COL14A1: variants seen among roughly 807,000 people sequenced by gnomAD.
COL14A1 encodes collagen alpha-1(XIV) chain.
In COL14A1, 136 loss-of-function variants were observed where a neutral mutation model predicts 230.3. The observed-to-expected ratio is 0.59, with a 90% CI of 0.51 to 0.68. The LOEUF is 0.68. Among genes scored for constraint, COL14A1 ranks in the 30% least tolerant of loss-of-function variants. The pLI is 0.00. For missense variants in COL14A1, 1,976 were observed against 2,215.8 expected (o/e 0.89, Z 2.17); for synonymous variants, 792 against 784.1 (o/e 1.01, Z -0.17).
Position 120,209,890 on chromosome 8 carries a change from G to A in COL14A1, c.1456G>A (p.Asp486Asn). Reference sequence around the variant, plus strand: ...TCCTCTAACAGAGGGCCTGGCTGGGGATGAAAAAGAGGTAACCACTTCCTA... The same window carrying A: ...TCCTCTAACAGAGGGCCTGGCTGGGAATGAAAAAGAGGTAACCACTTCCTA... ...YAPLTEGLAG[D>N]EKEMKIGETH... The change falls in exon 12 of 48, where the codon GAT (aspartate) becomes AAT (asparagine). Residue 486 changes from aspartate (D) to asparagine (N), a missense_variant. Coordinates refer to ENST00000297848, the MANE Select transcript of COL14A1 (RefSeq NM_021110.4). 1.2e-6 allele frequency: 2 copies of A among 1,602,734 alleles called. No homozygotes were observed. The highest frequency in any genetic ancestry group is 2.3e-5 in the South Asian group (2 of 88,596).
chr8:120,326,146 C>T (rs936457739), intron 40 of COL14A1, among the ~76,000 whole-genome samples: 5 of 152,196 alleles, frequency 3.3e-5, no homozygotes, highest in Non-Finnish European at 7.3e-5. Flanking sequence ...CTGGCTTGCC[C>T]AGTGAGAGCT....
intron 5 of COL14A1, among the ~76,000 whole-genome samples, chr8:120,176,454 A>G (rs1816286235): frequency 6.6e-6 from 1 of 152,192 alleles, no homozygotes; most frequent in Non-Finnish European, 1.5e-5. Flanking sequence ...CTCACCTCCC[A>G]TTAATACTTT....
intron 21 of COL14A1, 86 bp downstream of exon 21, chr8:120,247,821 T>G: frequency 6.8e-7 from 1 of 1,467,694 alleles, no homozygotes; most frequent in Admixed American, 2.1e-5. Flanking sequence ...TATAACACCT[T>G]ATGTTTGGTT....
chr8:120,150,501 A>G (rs1815245670), intron 2 of COL14A1, among the ~76,000 whole-genome samples: 1 of 152,154 alleles, frequency 6.6e-6, no homozygotes, highest in Admixed American at 6.5e-5. Flanking sequence ...AGATAAATCA[A>G]GTTTCTTGAT....
chr8:120,127,518 T>C (rs1202240583), intron 1 of COL14A1, among the ~76,000 whole-genome samples: 1 of 152,224 alleles, frequency 6.6e-6, no homozygotes, highest in African/African-American at 2.4e-5. Flanking sequence ...GCTGAGGATT[T>C]CAGAGAACTC....
intron 44 of COL14A1, among the ~76,000 whole-genome samples, chr8:120,344,304 G>C (rs1822420614): frequency 1.3e-5 from 2 of 152,200 alleles, no homozygotes; most frequent in African/African-American, 4.8e-5. Flanking sequence ...CTGCCACTCA[G>C]AACTGGATTT....
rs1164898389 is a variant in COL14A1, at chr8:120,227,329, T to A, written c.2114T>A (p.Val705Glu). 1.2e-6 allele frequency: 2 copies of A among 1,613,700 alleles called. No individual in the cohort carries two copies. The highest frequency in any genetic ancestry group is 1.7e-6 in the Non-Finnish European group (2 of 1,179,968). ...CTTGATGATGGAAGCGAGAGTGAGG[T>A]GGTGACTGCTGTCGGGACCACACGT... ...AVLDDGSESEVVTAVGTTLDS... is the reference protein window; with the variant it reads ...AVLDDGSESEEVTAVGTTLDS... Residue 705 changes from valine (V) to glutamate (E), a missense_variant, in exon 17 of 48, where the codon GTG becomes GAG. Transcript: ENST00000297848.
At chr8:120,306,004 T>C (rs1820848536) in intron 36 of COL14A1, among the ~76,000 whole-genome samples, 1 of 152,184 alleles carries the variant, frequency 6.6e-6, no homozygotes, top group African/African-American at 2.4e-5. Flanking sequence ...ATACTGTTTT[T>C]AACATCACAA....
chr8:120,212,631 TG>T (rs1817646798), intron 13 of COL14A1, 54 bp downstream of exon 13: 1 of 1,601,108 alleles, frequency 6.2e-7, no homozygotes, highest in East Asian at 2.2e-5. Flanking sequence ...CACATGAATG[TG>T]GGGATTCTGA....
At chr8:120,204,819 C>T (rs1308815409) in intron 9 of COL14A1, among the ~76,000 whole-genome samples, 2 of 152,172 alleles carry the variant, frequency 1.3e-5, no homozygotes, top group African/African-American at 4.8e-5. Flanking sequence ...GACACTGTCA[C>T]AGAGTGAGGG....
chr8:120,154,930 G>T (rs1003686462), intron 2 of COL14A1, among the ~76,000 whole-genome samples: 4 of 152,132 alleles, frequency 2.6e-5, no homozygotes, highest in African/African-American at 9.7e-5. Context: ...TGCCGCCCTT[G>T]CTTTGGCTCC....
At chr8:120,199,322 A>G in intron 7 of COL14A1, 80 bp from the exon 8 acceptor site, 2 of 1,309,930 alleles carry the variant, frequency 1.5e-6, no homozygotes, top group South Asian at 3.4e-5. Flanking sequence ...TAGGTTACCC[A>G]TCTTGTGGTT....
intron 18 of COL14A1, among the ~76,000 whole-genome samples, chr8:120,230,110 G>A (rs575381846): frequency 6.6e-6 from 1 of 152,106 alleles, no homozygotes; most frequent in Non-Finnish European, 1.5e-5. Context: ...TTTAACTCCT[G>A]AGCTCAAATG....
chr8:120,299,062 G>A (rs1033967920), intron 35 of COL14A1, among the ~76,000 whole-genome samples: 8 of 151,776 alleles, frequency 5.3e-5, no homozygotes, highest in South Asian at 4.2e-4. Context: ...GGAGGTAACC[G>A]CCCCTATGAT....
intron 40 of COL14A1, among the ~76,000 whole-genome samples, chr8:120,322,785 A>T (rs2130158567): frequency 6.6e-6 from 1 of 151,438 alleles, no homozygotes; most frequent in South Asian, 2.1e-4. Context: ...CATTTTCTTT[A>T]TCCAGTCTAT....
At chr8:120,168,905 G>A (rs1816006845) in intron 5 of COL14A1, among the ~76,000 whole-genome samples, 2 of 152,104 alleles carry the variant, frequency 1.3e-5, no homozygotes, top group African/African-American at 4.8e-5. Flanking sequence ...ACCCAGGCTA[G>A]AATTTAGTGT....
intron 5 of COL14A1, among the ~76,000 whole-genome samples, chr8:120,190,104 G>A (rs967815596): frequency 2.6e-5 from 4 of 151,486 alleles, no homozygotes; most frequent in African/African-American, 9.7e-5. Context: ...CCCACCAACA[G>A]TGTAAAAGTG....
At chr8:120,177,652 C>CAAAAAA (rs60652647) in intron 5 of COL14A1, among the ~76,000 whole-genome samples, 8 of 82,794 alleles carry the variant, frequency 9.7e-5, no homozygotes, top group Admixed American at 1.6e-4. Context: ...TTGCCTGCTT[C>CAAAAAA]AAAAAAAAAA....
chr8:120,280,564 C>G, intron 29 of COL14A1, 147 bp from the exon 30 acceptor site: 1 of 781,832 alleles, frequency 1.3e-6, no homozygotes, highest in Non-Finnish European at 2.1e-6. Context: ...CATGAAACCA[C>G]AGAAAACCAT....
Sources: gnomAD v4.1 joint callset for allele counts (sites outside exome capture counted in the v4.1 genomes callset) on GRCh38, gnomAD v4.1.1 for gene constraint, MANE v1.5 for transcripts, NCBI Gene and HGNC (gene_info 2026-07-23, HGNC 2026-07-21) for gene names.